The following CDH13 variants were observed in gnomAD, a reference collection of about 807,000 sequenced individuals.
CDH13 encodes cadherin 13, also known as cadherin-13.
In CDH13, 24 loss-of-function variants were observed where a neutral mutation model predicts 63.8. The observed-to-expected ratio is 0.38, with a 90% CI of 0.27 to 0.53. The LOEUF is 0.53. Ranked by LOEUF, CDH13 falls within the 20% of genes least tolerant of loss-of-function variation. The pLI, the probability that CDH13 is intolerant of heterozygous loss-of-function variation, is 0.85. For synonymous variants in CDH13, 503 were observed against 355.3 expected (o/e 1.42, Z -4.67); for missense variants, 1,049 against 903.1 (o/e 1.16, Z -2.07).
At chr16:83,118,843 C>G (rs1415478785) in intron 3 of CDH13, among the ~76,000 whole-genome samples, 1 of 152,188 alleles carries the variant, frequency 6.6e-6, no homozygotes, top group East Asian at 1.9e-4. Context: ...TCCTCTCACA[C>G]CTCCTGTGGG....
chr16:82,993,875 G>A (rs142131739), intron 2 of CDH13, among the ~76,000 whole-genome samples: 4 of 152,262 alleles, frequency 2.6e-5, no homozygotes, highest in Non-Finnish European at 2.9e-5. Flanking sequence ...CTGGTGCTTC[G>A]TTCTTTGGTG....
chr16:83,508,119 A>AAGGAAGGAAAAGGAAGGGAGGGAGGG (rs1567722339), intron 7 of CDH13, among the ~76,000 whole-genome samples: 7 of 75,540 alleles, frequency 9.3e-5, no homozygotes, highest in South Asian at 6.9e-4. Flanking sequence ...AAAAGGAAGG[A>AAGGAAGGAAAAGGAAGGGAGGGAGGG]AGGGAGGAAG....
At chr16:83,477,836 T>A (rs1454749140) in intron 6 of CDH13, among the ~76,000 whole-genome samples, 1 of 152,132 alleles carries the variant, frequency 6.6e-6, no homozygotes, top group Non-Finnish European at 1.5e-5. Flanking sequence ...GATCTTTTAT[T>A]TTTTAAATTT....
chr16:82,986,083 T>C (rs1026520556), intron 2 of CDH13, among the ~76,000 whole-genome samples: 2 of 152,214 alleles, frequency 1.3e-5, no homozygotes, highest in Non-Finnish European at 2.9e-5. Context: ...TATAGTGACG[T>C]AAGAATGGAC....
rs151242052 is a variant in CDH13 at position 82,875,790 on chromosome 16, T to A, written c.157+17317T>A. Among the ~76,000 whole-genome samples, 23 of 151,864 alleles carry A rather than the reference T, an allele frequency of 1.5e-4. No individual in the cohort carries two copies. The East Asian group carries it at 4.5e-3, about 29-fold the overall frequency. On this transcript the variant is annotated intron_variant, in intron 2 of 13. Coordinates refer to ENST00000567109, the MANE Select transcript of CDH13 (RefSeq NM_001257.5). ...TGCATGCAATTTAATAGTAAAGGAG[T>A]GTTAGAATAAGTTTGCTAGGTTACA...
intron 2 of CDH13, among the ~76,000 whole-genome samples, chr16:82,880,310 G>A (rs2040655345): frequency 6.6e-6 from 1 of 152,070 alleles, no homozygotes. Flanking sequence ...GGGGTCTGAA[G>A]GTTTTTAGTT....
intron 5 of CDH13, among the ~76,000 whole-genome samples, chr16:83,295,579 C>T (rs904852550): frequency 1.3e-5 from 2 of 151,444 alleles, no homozygotes; most frequent in African/African-American, 2.4e-5. Flanking sequence ...TTTTAAAATG[C>T]TCAACATCAC....
chr16:83,511,461 CAA>C (rs112318380), intron 7 of CDH13, among the ~76,000 whole-genome samples: 3 of 131,132 alleles, frequency 2.3e-5, no homozygotes, highest in Admixed American at 1.6e-4. Context: ...GATTCCATCT[CAA>C]AAAAAAAAAA....
At chr16:83,624,766 A>C (rs142305328) in intron 8 of CDH13, among the ~76,000 whole-genome samples, 28 of 152,216 alleles carry the variant, frequency 1.8e-4, no homozygotes, top group African/African-American at 6.3e-4. Context: ...CCTGTGGTTG[A>C]CTGCACCAAC....
intron 1 of CDH13, among the ~76,000 whole-genome samples, chr16:82,788,923 G>T (rs1192941775): frequency 6.6e-6 from 1 of 152,194 alleles, no homozygotes; most frequent in Non-Finnish European, 1.5e-5. Context: ...AAAAGAAACT[G>T]AGCAGGACTT....
chr16:83,435,148 G>C (rs1415336941), intron 6 of CDH13, among the ~76,000 whole-genome samples: 1 of 151,794 alleles, frequency 6.6e-6, no homozygotes, highest in Non-Finnish European at 1.5e-5. Context: ...CCCAGTTCAA[G>C]TGATTCTCCT....
chr16:82,784,578 AT>A (rs1445353979), intron 1 of CDH13, among the ~76,000 whole-genome samples: 3 of 152,186 alleles, frequency 2.0e-5, no homozygotes, highest in Non-Finnish European at 4.4e-5. Flanking sequence ...TTGCCCACAC[AT>A]GGTTAGAACC....
intron 2 of CDH13, among the ~76,000 whole-genome samples, chr16:82,906,349 C>T (rs1474736276): frequency 2.0e-5 from 3 of 152,178 alleles, no homozygotes; most frequent in Non-Finnish European, 4.4e-5. Context: ...GTCCCCATTT[C>T]TCTGGTGTGA....
chr16:83,793,744 G>A (rs1597244147), intron 13 of CDH13, among the ~76,000 whole-genome samples: 1 of 151,816 alleles, frequency 6.6e-6, no homozygotes, highest in Non-Finnish European at 1.5e-5. Flanking sequence ...CCTGGGAGGC[G>A]GAGGTTGCAG....
At chr16:83,565,311 C>T (rs2150695267) in intron 7 of CDH13, among the ~76,000 whole-genome samples, 1 of 152,172 alleles carries the variant, frequency 6.6e-6, no homozygotes, top group South Asian at 2.1e-4. Flanking sequence ...GCTATAGGCA[C>T]AGACCACTCT....
At chr16:82,810,532 AG>A (rs1567558402) in intron 1 of CDH13, among the ~76,000 whole-genome samples, 1 of 152,150 alleles carries the variant, frequency 6.6e-6, no homozygotes, top group East Asian at 1.9e-4. Context: ...GAAAATGACA[AG>A]GGTGCTTTTC....
chr16:83,383,204 G>A (rs2091603073), intron 6 of CDH13: 1 of 152,070 alleles, frequency 6.6e-6, no homozygotes, highest in Non-Finnish European at 1.5e-5. Flanking sequence ...ATACGTTCTG[G>A]GGAGAAAAAC....
chr16:83,779,859 A>G (rs982749888), intron 11 of CDH13, 109 bp from the exon 12 acceptor site: 107 of 758,048 alleles, frequency 1.4e-4, no homozygotes, highest in Non-Finnish European at 2.1e-4. Context: ...CCCTGTCTCA[A>G]AAAATAAAAT....
chr16:83,437,612 G>C (rs963856448), intron 6 of CDH13, among the ~76,000 whole-genome samples: 3 of 152,226 alleles, frequency 2.0e-5, no homozygotes, highest in African/African-American at 4.8e-5. Context: ...AGGAGGCAGA[G>C]GTTGCAGTGA....
Sources: gnomAD v4.1 joint callset for allele counts (sites outside exome capture counted in the v4.1 genomes callset) on GRCh38, gnomAD v4.1.1 for gene constraint, MANE v1.5 for transcripts, NCBI Gene and HGNC (gene_info 2026-07-23, HGNC 2026-07-21) for gene names.